Variants in CTNNBL1 observed in about 807,000 individuals in gnomAD.
CTNNBL1 encodes the protein catenin beta like 1, also known as beta-catenin-like protein 1.
CTNNBL1 carries 31 observed loss-of-function variants against 72.7 expected under a neutral mutation model. That is an observed-to-expected ratio of 0.43 (90% confidence interval 0.32 to 0.58). The LOEUF is 0.58. Ranked by LOEUF, CTNNBL1 falls within the 20% of genes least tolerant of loss-of-function variation. CTNNBL1 has a pLI of 0.08. For missense variants in CTNNBL1, 534 were observed against 725.1 expected (o/e 0.74, Z 3.03); for synonymous variants, 240 against 267.3 (o/e 0.90, Z 1.00).
At position 37,848,345 on chromosome 20, in the gene CTNNBL1, G is replaced by A. The variant is rs546819245; in HGVS notation, c.1392+5926G>A. Reference sequence around the variant, plus strand: ...AATGTTTGCATTTTTTTGTAGAGACGAGGTCTTGCTATGTTGCCCAGGGTG... The same window carrying A: ...AATGTTTGCATTTTTTTGTAGAGACAAGGTCTTGCTATGTTGCCCAGGGTG... On this transcript the variant is annotated intron_variant, in intron 13 of 15. Coordinates refer to ENST00000361383, the MANE Select transcript of CTNNBL1 (RefSeq NM_030877.5). Among the ~76,000 whole-genome samples, 6 of 151,900 alleles carry A rather than the reference G, an allele frequency of 3.9e-5. No individual in the cohort carries two copies. The South Asian group carries it at 8.3e-4, about 21-fold the overall frequency.
At chr20:37,750,232 G>A (rs904607647) in intron 4 of CTNNBL1, 2 of 152,224 alleles carry the variant, frequency 1.3e-5, no homozygotes, top group Non-Finnish European at 2.9e-5. Context: ...CAGCGCTTCT[G>A]TGCCTCATCT....
chr20:37,781,233 G>A (rs986029062), intron 10 of CTNNBL1, among the ~76,000 whole-genome samples: 1 of 152,220 alleles, frequency 6.6e-6, no homozygotes, highest in East Asian at 1.9e-4. Flanking sequence ...ATAAATAGAA[G>A]ATACATTTGG....
rs181113941 is a variant in CTNNBL1 at position 37,790,574 on chromosome 20, T to C, written c.1031+11239T>C. Among the ~76,000 whole-genome samples, 533 of 152,294 alleles carry C rather than the reference T, an allele frequency of 3.5e-3. 3 individuals carry two copies. Among genetic ancestry groups the C allele is most frequent in the Non-Finnish European group, 6.3e-3 (426 of 68,026 alleles). On this transcript the variant is annotated intron_variant, in intron 10 of 15. Coordinates refer to ENST00000361383, the MANE Select transcript of CTNNBL1 (RefSeq NM_030877.5). ...ATGGATAGTGGTAGTTTGCACCTGT[T>C]CTCTAGGAACCAGAAAAATACTCCA...
At chr20:37,700,015 T>C (rs1417190288) in intron 1 of CTNNBL1, among the ~76,000 whole-genome samples, 1 of 152,216 alleles carries the variant, frequency 6.6e-6, no homozygotes, top group African/African-American at 2.4e-5. Flanking sequence ...AGGCCCCTTC[T>C]AGCTTTAAAA....
intron 11 of CTNNBL1, among the ~76,000 whole-genome samples, chr20:37,822,148 C>G (rs767987072): frequency 1.9e-4 from 29 of 152,304 alleles, no homozygotes; most frequent in Admixed American, 1.3e-4. Context: ...CAGCGTGTGT[C>G]TAACTCTACC....
chr20:37,746,082 A>G (rs757842937), intron 3 of CTNNBL1, among the ~76,000 whole-genome samples: 2 of 152,122 alleles, frequency 1.3e-5, no homozygotes, highest in Non-Finnish European at 2.9e-5. Context: ...AGTAAGAGAA[A>G]CCCTTTTTGG....
intron 11 of CTNNBL1, among the ~76,000 whole-genome samples, chr20:37,836,573 T>C (rs1330505461): frequency 3.3e-5 from 5 of 152,230 alleles, no homozygotes; most frequent in African/African-American, 9.6e-5. Flanking sequence ...CCCTCCTCTA[T>C]GTTGCCCACG....
chr20:37,725,894 G>A (rs1229078553), intron 1 of CTNNBL1, among the ~76,000 whole-genome samples: 2 of 152,086 alleles, frequency 1.3e-5, no homozygotes, highest in Non-Finnish European at 2.9e-5. Context: ...TGAGACAGGA[G>A]AATCGCTTGA....
At chr20:37,849,866 G>C (rs184480836) in intron 13 of CTNNBL1, among the ~76,000 whole-genome samples, 2 of 152,236 alleles carry the variant, frequency 1.3e-5, no homozygotes, top group Non-Finnish European at 2.9e-5. Flanking sequence ...CTTCATCAGT[G>C]AAAGGATGAG....
chr20:37,827,406 G>T (rs2072169546), intron 11 of CTNNBL1, among the ~76,000 whole-genome samples: 1 of 152,148 alleles, frequency 6.6e-6, no homozygotes, highest in Non-Finnish European at 1.5e-5. Context: ...ATTGAACTGA[G>T]AGAGGACCTT....
chr20:37,790,822 T>A (rs1222923368), intron 10 of CTNNBL1, among the ~76,000 whole-genome samples: 1 of 152,218 alleles, frequency 6.6e-6, no homozygotes, highest in Non-Finnish European at 1.5e-5. Context: ...AATTTTGCAA[T>A]ATGTATAGAC....
At chr20:37,786,637 G>A (rs953606512) in intron 10 of CTNNBL1, among the ~76,000 whole-genome samples, 1 of 152,018 alleles carries the variant, frequency 6.6e-6, no homozygotes, top group East Asian at 1.9e-4. Context: ...GTAGCATTTT[G>A]TATATTTGTA....
intron 13 of CTNNBL1, among the ~76,000 whole-genome samples, chr20:37,854,827 G>A (rs2072425540): frequency 6.6e-6 from 1 of 151,878 alleles, no homozygotes; most frequent in Non-Finnish European, 1.5e-5. Flanking sequence ...GGCCTCAAGT[G>A]ATTCGCCCAC....
intron 3 of CTNNBL1, among the ~76,000 whole-genome samples, chr20:37,741,609 TGG>T (rs1305784832): frequency 6.6e-6 from 1 of 152,218 alleles, no homozygotes; most frequent in East Asian, 1.9e-4. Context: ...GGCCAGAAAC[TGG>T]GATTATTTTA....
chr20:37,830,595 C>CT (rs1433908619), intron 11 of CTNNBL1, among the ~76,000 whole-genome samples: 1 of 152,180 alleles, frequency 6.6e-6, no homozygotes, highest in East Asian at 1.9e-4. Flanking sequence ...CCACTTCCAC[C>CT]TTGGGAGACT....
At chr20:37,700,257 A>G (rs1243779739) in intron 1 of CTNNBL1, among the ~76,000 whole-genome samples, 2 of 152,090 alleles carry the variant, frequency 1.3e-5, no homozygotes, top group African/African-American at 4.8e-5. Flanking sequence ...GGTTCTTTTC[A>G]TTTCCAAAAT....
intron 11 of CTNNBL1, among the ~76,000 whole-genome samples, chr20:37,804,994 G>A (rs571144302): frequency 9.7e-4 from 148 of 152,372 alleles, no homozygotes; most frequent in African/African-American, 3.5e-3. Flanking sequence ...AGTACCCAGA[G>A]AGCAGAAGTG....
intron 4 of CTNNBL1, among the ~76,000 whole-genome samples, chr20:37,755,196 A>G (rs1332875167): frequency 6.6e-6 from 1 of 152,214 alleles, no homozygotes; most frequent in African/African-American, 2.4e-5. Flanking sequence ...TTCCAGTAGC[A>G]TAGCACCAGA....
chr20:37,697,495 C>T (rs569103609), intron 1 of CTNNBL1, among the ~76,000 whole-genome samples: 75 of 152,250 alleles, frequency 4.9e-4, no homozygotes, highest in African/African-American at 9.4e-4. Context: ...GTAGCTGAAA[C>T]GGGAAGTGAG....
Sources: gnomAD v4.1 joint callset for allele counts (sites outside exome capture counted in the v4.1 genomes callset) on GRCh38, gnomAD v4.1.1 for gene constraint, MANE v1.5 for transcripts, NCBI Gene and HGNC (gene_info 2026-07-23, HGNC 2026-07-21) for gene names.